The following TMEM117 variants were observed in gnomAD, a reference collection of about 807,000 sequenced individuals.
The protein encoded by TMEM117 is transmembrane protein 117.
A neutral mutation model predicts 52.4 loss-of-function variants in TMEM117; 27 were observed. The observed-to-expected ratio is 0.51, with a 90% CI of 0.38 to 0.71. The LOEUF (loss-of-function observed/expected upper bound fraction) is 0.71. Ranked by LOEUF, TMEM117 falls within the 30% of genes least tolerant of loss-of-function variation. The pLI is 0.00. For missense variants in TMEM117, 556 were observed against 630.5 expected (o/e 0.88, Z 1.26); for synonymous variants, 215 against 206.3 (o/e 1.04, Z -0.36).
intron 4 of TMEM117, among the ~76,000 whole-genome samples, chr12:44,202,039 A>G (rs1248353870): frequency 6.6e-6 from 1 of 152,028 alleles, no homozygotes; most frequent in Non-Finnish European, 1.5e-5. Context: ...TTATATATCA[A>G]AGATGATAAA....
intron 5 of TMEM117, among the ~76,000 whole-genome samples, chr12:44,274,660 G>T (rs1950490360): frequency 6.6e-6 from 1 of 151,992 alleles, no homozygotes; most frequent in Admixed American, 6.6e-5. Context: ...TACAGCTACA[G>T]TGTACTCATT....
At chr12:43,887,693 A>G (rs1944021630) in intron 2 of TMEM117, among the ~76,000 whole-genome samples, 1 of 152,226 alleles carries the variant, frequency 6.6e-6, no homozygotes. Context: ...AGCAGAAGTT[A>G]CACTTATGAC....
chr12:44,172,886 G>A (rs532553956), intron 4 of TMEM117, among the ~76,000 whole-genome samples: 4 of 151,924 alleles, frequency 2.6e-5, no homozygotes, highest in Admixed American at 6.6e-5. Context: ...CACCACGCCC[G>A]GCTAATTTTT....
At chr12:44,243,918 A>G (rs1950096601) in intron 5 of TMEM117, among the ~76,000 whole-genome samples, 1 of 151,932 alleles carries the variant, frequency 6.6e-6, no homozygotes, top group African/African-American at 2.4e-5. Flanking sequence ...ACTTAGCATA[A>G]TGTTCTCCAG....
At chr12:43,923,077 T>C (rs1464976507) in intron 2 of TMEM117, among the ~76,000 whole-genome samples, 1 of 152,196 alleles carries the variant, frequency 6.6e-6, no homozygotes, top group Non-Finnish European at 1.5e-5. Context: ...AGATTTGGTC[T>C]CTAGAGAAAA....
At chr12:43,907,023 A>T (rs1229987104) in intron 2 of TMEM117, among the ~76,000 whole-genome samples, 1 of 152,352 alleles carries the variant, frequency 6.6e-6, no homozygotes, top group African/African-American at 2.4e-5. Context: ...CTGCCTCTGT[A>T]GGCTCCACCT....
chr12:43,836,226 G>C (rs1006015564), intron 1 of TMEM117, 30 bp downstream of exon 1: 1 of 152,232 alleles, frequency 6.6e-6, no homozygotes, highest in Non-Finnish European at 1.5e-5. Context: ...CGTTGGGCGA[G>C]CCTCCCCAGC....
At chr12:44,021,849 G>T (rs2137835868) in intron 3 of TMEM117, among the ~76,000 whole-genome samples, 1 of 152,268 alleles carries the variant, frequency 6.6e-6, no homozygotes, top group South Asian at 2.1e-4. Flanking sequence ...AAGTACTCTT[G>T]CTGGGAGGAA....
chr12:44,375,797 T>C (rs1173405714), intron 6 of TMEM117, among the ~76,000 whole-genome samples: 1 of 152,198 alleles, frequency 6.6e-6, no homozygotes, highest in African/African-American at 2.4e-5. Context: ...TTCTTCAAGT[T>C]TTGTGTATTC....
intron 5 of TMEM117, among the ~76,000 whole-genome samples, chr12:44,280,767 C>G (rs919989399): frequency 6.7e-5 from 10 of 148,684 alleles, no homozygotes; most frequent in African/African-American, 2.5e-4. Context: ...AAAAAGCAAT[C>G]CTATTTTCCA....
At chr12:44,384,232 G>A (rs1193349430) in intron 7 of TMEM117, among the ~76,000 whole-genome samples, 4 of 152,070 alleles carry the variant, frequency 2.6e-5, no homozygotes, top group South Asian at 4.1e-4. Context: ...TGAACTAGAG[G>A]TCATGTCAGA....
intron 6 of TMEM117, among the ~76,000 whole-genome samples, chr12:44,334,203 A>C (rs73088671): frequency 0.034 from 5,180 of 152,160 alleles, 105 homozygotes; most frequent in Middle Eastern, 0.13. Context: ...AATCCTATTC[A>C]TGACAAAGAC....
At chr12:44,039,555 A>C (rs1302237644) in intron 3 of TMEM117, among the ~76,000 whole-genome samples, 1 of 151,998 alleles carries the variant, frequency 6.6e-6, no homozygotes, top group Non-Finnish European at 1.5e-5. Context: ...CAATCCATGT[A>C]TAGATAAATT....
At chr12:44,058,054 A>G in intron 3 of TMEM117, among the ~76,000 whole-genome samples, 1 of 152,234 alleles carries the variant, frequency 6.6e-6, no homozygotes, top group East Asian at 1.9e-4. Context: ...CTATGTTAAT[A>G]AGAAGCCATT....
intron 3 of TMEM117, among the ~76,000 whole-genome samples, chr12:44,061,626 A>G (rs1273094467): frequency 6.6e-6 from 1 of 152,166 alleles, no homozygotes; most frequent in Non-Finnish European, 1.5e-5. Flanking sequence ...TCCAGGATGT[A>G]CTTGGTATGA....
intron 6 of TMEM117, among the ~76,000 whole-genome samples, chr12:44,364,441 T>C (rs1371749590): frequency 6.6e-6 from 1 of 152,162 alleles, no homozygotes; most frequent in Non-Finnish European, 1.5e-5. Flanking sequence ...AGAAATATGA[T>C]ATATTGCAGA....
chr12:44,274,772 C>T (rs1950491983), intron 5 of TMEM117, among the ~76,000 whole-genome samples: 2 of 152,166 alleles, frequency 1.3e-5, no homozygotes, highest in South Asian at 4.1e-4. Context: ...TGAAATTAGA[C>T]CCCTATCTCT....
chr12:44,196,062 G>C (rs1269059756), intron 4 of TMEM117, among the ~76,000 whole-genome samples: 3 of 151,928 alleles, frequency 2.0e-5, no homozygotes, highest in Non-Finnish European at 4.4e-5. Flanking sequence ...ACTCCAGCCT[G>C]GGCAACAGAG....
rs1592445687 is a variant in TMEM117, at chr12:44,019,451, A to C, written c.410+75109A>C. 2.0e-5 allele frequency among the ~76,000 whole-genome samples: 3 copies of C among 152,076 alleles called. No homozygotes were observed. In the South Asian group the frequency reaches 6.2e-4, roughly 32 times the overall value. On this transcript the variant is annotated intron_variant, in intron 3 of 7. Transcript: ENST00000266534. ...GCTCATTCAAATCTGCACCATTAAT[A>C]AGCACTGGAAGTAGGACCAGGTTTC... is the stretch of plus-strand genomic sequence containing the variant.
Sources: allele counts gnomAD v4.1 joint callset (sites outside exome capture counted in the v4.1 genomes callset), GRCh38; gene constraint gnomAD v4.1.1; transcripts MANE v1.5; gene names NCBI Gene and HGNC (gene_info 2026-07-23, HGNC 2026-07-21).